Variants in CNTN6 observed in about 807,000 individuals in gnomAD.
CNTN6 encodes the protein contactin-6.
CNTN6 carries 137 observed loss-of-function variants against 122.8 expected under a neutral mutation model. The observed-to-expected ratio is 1.12, with a 90% CI of 0.97 to 1.29. The LOEUF (loss-of-function observed/expected upper bound fraction) is 1.29, where lower values mean the gene tolerates loss of function less well. Ranked by LOEUF, CNTN6 falls within the 50% of genes most tolerant of loss-of-function variation. The pLI is 0.00. For missense variants in CNTN6, 1,634 were observed against 1,223.4 expected (o/e 1.34, Z -5.01); for synonymous variants, 570 against 426.0 (o/e 1.34, Z -4.16).
chr3:1,119,968 A>G (rs2091888676), intron 1 of CNTN6, among the ~76,000 whole-genome samples: 1 of 152,072 alleles, frequency 6.6e-6, no homozygotes, highest in Non-Finnish European at 1.5e-5. Context: ...AGAACGTTAT[A>G]TAAATGGAAG....
At chr3:1,299,394 A>T (rs1429309957) in intron 7 of CNTN6, among the ~76,000 whole-genome samples, 1 of 152,186 alleles carries the variant, frequency 6.6e-6, no homozygotes, top group African/African-American at 2.4e-5. Flanking sequence ...TTAATAGCTT[A>T]TTTAATCATA....
chr3:1,376,438 A>C (rs1709878323), intron 16 of CNTN6, among the ~76,000 whole-genome samples: 1 of 152,114 alleles, frequency 6.6e-6, no homozygotes, highest in South Asian at 2.1e-4. Context: ...CAGGAGAAAA[A>C]CCTGACTTTG....
intron 11 of CNTN6, among the ~76,000 whole-genome samples, chr3:1,343,429 A>G (rs1311389856): frequency 2.0e-5 from 3 of 152,128 alleles, no homozygotes; most frequent in Non-Finnish European, 4.4e-5. Context: ...ATGATCAAAT[A>G]ACCACATTGT....
At chr3:1,117,528 T>C (rs944172570) in intron 1 of CNTN6, among the ~76,000 whole-genome samples, 3 of 152,192 alleles carry the variant, frequency 2.0e-5, no homozygotes, top group African/African-American at 7.2e-5. Context: ...CTCTAAGCTT[T>C]TGTATCAATT....
intron 20 of CNTN6, among the ~76,000 whole-genome samples, chr3:1,397,848 T>C (rs1394037870): frequency 1.3e-5 from 2 of 152,138 alleles, no homozygotes; most frequent in Non-Finnish European, 2.9e-5. Context: ...CTTTCTCTTC[T>C]GCCCAAATGT....
intron 7 of CNTN6, among the ~76,000 whole-genome samples, chr3:1,302,735 T>C (rs1697639876): frequency 6.6e-6 from 1 of 152,174 alleles, no homozygotes; most frequent in Non-Finnish European, 1.5e-5. Flanking sequence ...GGTTGTAGAT[T>C]ATTTTTGTTA....
intron 4 of CNTN6, among the ~76,000 whole-genome samples, chr3:1,240,370 T>G (rs780543233): frequency 6.6e-6 from 1 of 152,104 alleles, no homozygotes; most frequent in Admixed American, 6.6e-5. Context: ...AGGACATGAA[T>G]AGACAATTCT....
chr3:1,343,917 C>T (rs1704258946), intron 11 of CNTN6, among the ~76,000 whole-genome samples: 1 of 152,050 alleles, frequency 6.6e-6, no homozygotes, highest in South Asian at 2.1e-4. Context: ...GTATCACCTG[C>T]CTCAAACAAA....
chr3:1,339,713 G>A (rs938122909), intron 11 of CNTN6, among the ~76,000 whole-genome samples: 1 of 151,980 alleles, frequency 6.6e-6, no homozygotes, highest in African/African-American at 2.4e-5. Flanking sequence ...TCAGAATTTT[G>A]GGTACAGATT....
chr3:1,190,590 A>G (rs1559483823), intron 2 of CNTN6, among the ~76,000 whole-genome samples: 1 of 152,154 alleles, frequency 6.6e-6, no homozygotes, highest in Non-Finnish European at 1.5e-5. Context: ...TGCAGAGGAG[A>G]GTTTAAGCAA....
chr3:1,306,669 C>T (rs1287555679), intron 7 of CNTN6, among the ~76,000 whole-genome samples: 1 of 152,072 alleles, frequency 6.6e-6, no homozygotes, highest in African/African-American at 2.4e-5. Flanking sequence ...ATAGATACAG[C>T]AGAATGTTTG....
intron 1 of CNTN6, chr3:1,128,339 T>A (rs926383338): frequency 1.3e-5 from 2 of 151,900 alleles, no homozygotes; most frequent in East Asian, 1.9e-4. Flanking sequence ...CAAGAGGGAG[T>A]GAAGCCTCAT....
At chr3:1,312,046 A>T (rs1479932297) in intron 7 of CNTN6, among the ~76,000 whole-genome samples, 3 of 152,010 alleles carry the variant, frequency 2.0e-5, no homozygotes. Flanking sequence ...AATTAGGATT[A>T]TTGGTAAATG....
chr3:1,124,202 A>G (rs2092071265), intron 1 of CNTN6, among the ~76,000 whole-genome samples: 1 of 151,936 alleles, frequency 6.6e-6, no homozygotes, highest in African/African-American at 2.4e-5. Flanking sequence ...GATGTTCTAC[A>G]ACAGAGAGGA....
At chr3:1,315,487 A>C (rs1422157474) in intron 7 of CNTN6, among the ~76,000 whole-genome samples, 2 of 152,018 alleles carry the variant, frequency 1.3e-5, no homozygotes, top group Admixed American at 6.6e-5. Context: ...AAAGGTGAGT[A>C]TCATTCCAAA....
In CNTN6 at chr3:1,401,516, GA is replaced by G; in HGVS notation, c.2792del (p.Asn931MetfsTer41). 1 of 1,611,496 alleles carries G rather than the reference GA, an allele frequency of 6.2e-7. No homozygotes were observed. Among genetic ancestry groups the G allele is most frequent in the Middle Eastern group, 1.7e-4 (1 of 6,050 alleles). ...CLNWEHVKTM[E>X]NESEVLGYKI... ...GAACTGGGAGCATGTAAAAACCATG[GA>G]AAATGAGTCTGAAGTTTTGGGGTAC... On this transcript the variant is annotated frameshift_variant, in exon 21 of 23. Transcript: ENST00000446702. LOFTEE classifies it high-confidence loss of function.
At chr3:1,354,496 C>T (rs1219580220) in intron 12 of CNTN6, among the ~76,000 whole-genome samples, 2 of 151,310 alleles carry the variant, frequency 1.3e-5, no homozygotes, top group African/African-American at 4.8e-5. Context: ...ACTCTTTCTT[C>T]TTCTGTACCA....
At position 1,325,821 on chromosome 3, in the gene CNTN6, C is replaced by A. The variant is rs370503610; in HGVS notation, c.953C>A (p.Pro318Gln). 1.3e-5 allele frequency: 21 copies of A among 1,609,770 alleles called. No homozygotes were observed. Among genetic ancestry groups the A allele is most frequent in the Non-Finnish European group, 1.8e-5 (21 of 1,178,008 alleles). The change falls in exon 9 of 23, where the codon CCA becomes CAA. Residue 318 changes from proline to glutamine, a missense_variant. Physicochemically the swap from Pro to Gln is moderately conservative, Grantham distance 76. Transcript: ENST00000446702. ...AKGQLIFYAP[P>Q]EWEQKIQNTH... is the part of the protein sequence containing the mutation. ...ACTTGCCTTTTTGAAACAGCTCCTCCAGAATGGGAACAGAAAATCCAAAAT... is the reference window on the plus strand; with the variant it reads ...ACTTGCCTTTTTGAAACAGCTCCTCAAGAATGGGAACAGAAAATCCAAAAT...
intron 1 of CNTN6, among the ~76,000 whole-genome samples, chr3:1,098,755 TGCAC>T (rs1559305378): frequency 1.1e-5 from 1 of 89,586 alleles, no homozygotes; most frequent in Non-Finnish European, 2.0e-5. Context: ...TTGGCAGTAA[TGCAC>T]ACACACACAC....
Sources: allele counts gnomAD v4.1 joint callset (sites outside exome capture counted in the v4.1 genomes callset), GRCh38; gene constraint gnomAD v4.1.1; transcripts MANE v1.5; gene names NCBI Gene and HGNC (gene_info 2026-07-23, HGNC 2026-07-21).